The following TYR variants were observed in gnomAD, a reference collection of about 807,000 sequenced individuals.
The protein encoded by TYR is LB24-AB.
In TYR, 58 loss-of-function variants were observed where a neutral mutation model predicts 51.5. The ratio of observed to expected loss-of-function variants is 1.13; its 90% CI spans 0.91 to 1.40. TYR has a LOEUF of 1.40. TYR is among the 40% of genes most tolerant of loss of function. The pLI is 0.00. For missense variants in TYR, 732 were observed against 647.4 expected (o/e 1.13, Z -1.42); for synonymous variants, 263 against 235.2 (o/e 1.12, Z -1.08).
At chr11:89,247,670 A>G (rs1382434192) in intron 3 of TYR, among the ~76,000 whole-genome samples, 1 of 152,194 alleles carries the variant, frequency 6.6e-6, no homozygotes, top group Non-Finnish European at 1.5e-5. Context: ...TTATTTTACA[A>G]AAAAGGAAAT....
intron 3 of TYR, among the ~76,000 whole-genome samples, chr11:89,250,605 G>A (rs1236443455): frequency 1.3e-5 from 2 of 151,866 alleles, no homozygotes; most frequent in Admixed American, 6.6e-5. Context: ...CAAGGTGTCT[G>A]CAGGGTTAAT....
chr11:89,208,737 C>G (rs981804301), intron 2 of TYR, among the ~76,000 whole-genome samples: 1 of 152,142 alleles, frequency 6.6e-6, no homozygotes, highest in Non-Finnish European at 1.5e-5. Context: ...TTTGTAAGTA[C>G]TTCTAAAACA....
At chr11:89,224,566 C>T (rs999384813) in intron 2 of TYR, among the ~76,000 whole-genome samples, 5 of 152,110 alleles carry the variant, frequency 3.3e-5, no homozygotes, top group African/African-American at 1.2e-4. Context: ...TTATTTTTAG[C>T]TCATCCTTCC....
intron 1 of TYR, among the ~76,000 whole-genome samples, chr11:89,187,944 A>C (rs2135250023): frequency 6.6e-6 from 1 of 151,876 alleles, no homozygotes; most frequent in Non-Finnish European, 1.5e-5. Context: ...TCATTTACAA[A>C]AATATTAGCA....
At chr11:89,265,716 T>TTC (rs1172749515) in intron 3 of TYR, among the ~76,000 whole-genome samples, 1 of 152,022 alleles carries the variant, frequency 6.6e-6, no homozygotes, top group Non-Finnish European at 1.5e-5. Flanking sequence ...AGGAATCCTT[T>TTC]TCTCCATGTT....
At position 89,275,103 on chromosome 11, in the gene TYR, G is replaced by A. The variant is rs558724167; in HGVS notation, c.1185-9670G>A. On this transcript the variant is annotated intron_variant, in intron 3 of 4. Coordinates refer to ENST00000263321, the MANE Select transcript of TYR (RefSeq NM_000372.5). Reference sequence around the variant, plus strand: ...CTCCTCATAGCCTGTGAATAAAAAAGGGTTTAAATTCTACAGGGATAAATC... The same window carrying A: ...CTCCTCATAGCCTGTGAATAAAAAAAGGTTTAAATTCTACAGGGATAAATC... 2.0e-5 allele frequency among the ~76,000 whole-genome samples: 3 copies of A among 151,866 alleles called. No homozygotes were observed. The East Asian group carries it at 5.9e-4, about 30-fold the overall frequency.
chr11:89,227,360 CA>C (rs1278000410), intron 2 of TYR, among the ~76,000 whole-genome samples: 1 of 152,070 alleles, frequency 6.6e-6, no homozygotes, highest in Non-Finnish European at 1.5e-5. Context: ...TGTGAAGAGT[CA>C]CAAATTTTAC....
chr11:89,247,306 A>C (rs1242088708), intron 3 of TYR, among the ~76,000 whole-genome samples: 1 of 152,206 alleles, frequency 6.6e-6, no homozygotes, highest in Admixed American at 6.5e-5. Flanking sequence ...GGAGACATTC[A>C]TTACATACTT....
intron 2 of TYR, among the ~76,000 whole-genome samples, chr11:89,196,903 G>C (rs558676346): frequency 3.9e-5 from 6 of 152,212 alleles, no homozygotes; most frequent in Non-Finnish European, 5.9e-5. Flanking sequence ...GGTATACTAT[G>C]GAAGTACAAA....
chr11:89,219,715 T>A (rs1943883382), intron 2 of TYR, among the ~76,000 whole-genome samples: 1 of 152,160 alleles, frequency 6.6e-6, no homozygotes, highest in Admixed American at 6.5e-5. Context: ...GTATTGGGTC[T>A]TATACAATAT....
chr11:89,293,987 A>C (rs1944877228), intron 4 of TYR: 1 of 269,224 alleles, frequency 3.7e-6, no homozygotes, highest in Non-Finnish European at 7.4e-6. Flanking sequence ...ATTTGCTGTC[A>C]TTAGATTCAT....
chr11:89,295,126 ATG>A lies in TYR; in HGVS notation c.1367-15_1367-14del, dbSNP rs774960773. 6.2e-7 allele frequency: 1 copy of A among 1,613,372 alleles called. No individual in the cohort carries two copies. Among genetic ancestry groups the A allele is most frequent in the African/African-American group, 1.3e-5 (1 of 75,020 alleles). On this transcript the variant is annotated splice_polypyrimidine_tract_variant and intron_variant, in intron 4 of 4. Coordinates refer to ENST00000263321, the MANE Select transcript of TYR (RefSeq NM_000372.5). ...TGGTGGTAACAATAAAAACAATGGG[ATG>A]TCTTTTTATTTCAGACCCAGACTCT... is the stretch of plus-strand genomic sequence containing the variant.
At chr11:89,212,354 C>T (rs1051575444) in intron 2 of TYR, among the ~76,000 whole-genome samples, 2 of 151,814 alleles carry the variant, frequency 1.3e-5, no homozygotes, top group Non-Finnish European at 2.9e-5. Context: ...GGATAAATTC[C>T]TCAACACATA....
At chr11:89,227,743 T>A (rs751239011) in intron 2 of TYR, 80 bp from the exon 3 acceptor site, 40 of 1,251,026 alleles carry the variant, frequency 3.2e-5, no homozygotes, top group Admixed American at 1.3e-4. Flanking sequence ...CAAGTTATAG[T>A]TATAAATCAA....
At chr11:89,200,900 C>G (rs2135261175) in intron 2 of TYR, among the ~76,000 whole-genome samples, 1 of 152,244 alleles carries the variant, frequency 6.6e-6, no homozygotes, top group South Asian at 2.1e-4. Flanking sequence ...TTTAATTACA[C>G]TGTCAAATCT....
intron 2 of TYR, among the ~76,000 whole-genome samples, chr11:89,193,333 G>A (rs1438066130): frequency 2.0e-5 from 3 of 151,986 alleles, no homozygotes; most frequent in African/African-American, 7.2e-5. Context: ...TCAAGTCAAA[G>A]AAAAAAAGTG....
At chr11:89,185,361 A>G (rs756856858) in intron 1 of TYR, among the ~76,000 whole-genome samples, 32 of 152,302 alleles carry the variant, frequency 2.1e-4, no homozygotes, top group Middle Eastern at 6.8e-3. Flanking sequence ...GGTACCAACA[A>G]CATGACCAAG....
intron 3 of TYR, among the ~76,000 whole-genome samples, chr11:89,260,870 C>G (rs984213611): frequency 3.3e-5 from 5 of 152,070 alleles, no homozygotes; most frequent in Non-Finnish European, 5.9e-5. Context: ...TGTTAAGAAC[C>G]AGGCCACACA....
At chr11:89,258,478 T>C (rs1298894175) in intron 3 of TYR, among the ~76,000 whole-genome samples, 1 of 151,006 alleles carries the variant, frequency 6.6e-6, no homozygotes, top group Non-Finnish European at 1.5e-5. Flanking sequence ...AAGTTGGGGC[T>C]GTTTCTGGCT....
Sources: allele counts gnomAD v4.1 joint callset (sites outside exome capture counted in the v4.1 genomes callset), GRCh38; gene constraint gnomAD v4.1.1; transcripts MANE v1.5; gene names NCBI Gene and HGNC (gene_info 2026-07-23, HGNC 2026-07-21).